DENND3: variants seen among roughly 807,000 people sequenced by gnomAD.
DENND3 encodes DENN domain containing 3, also known as DENN domain-containing protein 3.
Under a neutral mutation model 135.1 loss-of-function variants are expected in DENND3, and 88 were observed. The ratio of observed to expected loss-of-function variants is 0.65; its 90% CI spans 0.55 to 0.78. DENND3 has a LOEUF of 0.78. Ranked by LOEUF, DENND3 falls within the 30% of genes least tolerant of loss-of-function variation. DENND3 has a pLI of 0.00. For synonymous variants in DENND3, 693 were observed against 712.3 expected (o/e 0.97, Z 0.43); for missense variants, 1,392 against 1,688.4 (o/e 0.82, Z 3.08).
intron 1 of DENND3, among the ~76,000 whole-genome samples, chr8:141,134,265 T>C (rs1277257015): frequency 6.6e-6 from 1 of 152,156 alleles, no homozygotes; most frequent in African/African-American, 2.4e-5. Flanking sequence ...TATAAAATAA[T>C]ATGGATTTCC....
At chr8:141,149,672 C>A (rs767489140) in intron 5 of DENND3, among the ~76,000 whole-genome samples, 1 of 152,264 alleles carries the variant, frequency 6.6e-6, no homozygotes, top group Non-Finnish European at 1.5e-5. Context: ...CACACGGGGA[C>A]CTGTCCATAT....
chr8:141,129,285 C>G (rs1815621962), intron 1 of DENND3, among the ~76,000 whole-genome samples: 1 of 152,190 alleles, frequency 6.6e-6, no homozygotes, highest in South Asian at 2.1e-4. Context: ...ATGTGTTGTC[C>G]CCTGAGTAGT....
Position 141,130,180 on chromosome 8 carries a change from C to A in DENND3, c.102+1371C>A, listed in dbSNP as rs973390997. Among the ~76,000 whole-genome samples, 1 of 152,074 alleles carries A rather than the reference C, an allele frequency of 6.6e-6. No individual in the cohort carries two copies. Among genetic ancestry groups the A allele is most frequent in the Non-Finnish European group, 1.5e-5 (1 of 68,006 alleles). On this transcript the variant is annotated intron_variant, in intron 1 of 22. Transcript: ENST00000519811. This position sits in a 1 kb window ranked among gnomAD's most constrained non-coding sequence, Gnocchi z 4.2. The stretch of plus-strand genomic sequence containing the variant: ...TGACACATGTCTTTTGAGGGCAGGG[C>A]GAATCAACTGGAATATTTGCAGTGG...
At chr8:141,187,322 G>A (rs934817058) in intron 18 of DENND3, among the ~76,000 whole-genome samples, 10 of 150,782 alleles carry the variant, frequency 6.6e-5, no homozygotes, top group African/African-American at 2.4e-4. Flanking sequence ...TGGCACAATC[G>A]CTGCTTACTG....
chr8:141,148,064 G>T (rs948309477), intron 5 of DENND3, among the ~76,000 whole-genome samples: 1 of 152,238 alleles, frequency 6.6e-6, no homozygotes, highest in South Asian at 2.1e-4. Flanking sequence ...CAAGAGGTCA[G>T]TGTAGGCCAA....
rs1356909857 is a variant in DENND3, at chr8:141,182,467, A to T, written c.2944+1613A>T. On this transcript the variant is annotated intron_variant, in intron 17 of 22. Transcript: ENST00000519811. The surrounding 1 kb of genome is among the most constrained non-coding windows in gnomAD (Gnocchi z 5.9). Reference sequence around the variant, plus strand: ...TGACTCCACAGACCAAGATACTTTGACCGTGGCATTTGAATACATGGTATT... The same window carrying T: ...TGACTCCACAGACCAAGATACTTTGTCCGTGGCATTTGAATACATGGTATT... 2.0e-6 allele frequency: 2 copies of T among 985,284 alleles called. No individual in the cohort carries two copies. The highest frequency in any genetic ancestry group is 3.5e-5 in the African/African-American group (2 of 57,224). The allele number at this position is 985,284 out of a possible 1,614,324, so 61.0% of individuals were successfully genotyped here.
chr8:141,176,567 A>C lies in DENND3; in HGVS notation c.2536-24A>C, dbSNP rs199599332. Reference sequence around the variant, plus strand: ...CGTGTTCTCTGAGTGTGACATTCCTAACTTTTCTTTTCTGCCTCTGCAGGA... The same window carrying C: ...CGTGTTCTCTGAGTGTGACATTCCTCACTTTTCTTTTCTGCCTCTGCAGGA... On this transcript the variant is annotated intron_variant, in intron 14 of 22. Transcript: ENST00000519811. The C allele has an allele frequency of 1.1e-4, 183 of 1,614,002 alleles. 4 individuals are homozygous for C. In the South Asian group the frequency reaches 1.8e-3, roughly 16 times the overall value.
At position 141,128,784 on chromosome 8, in the gene DENND3, G is replaced by A; in HGVS notation, c.77G>A (p.Arg26Gln). 1.4e-6 allele frequency: 2 copies of A among 1,460,988 alleles called. No individual in the cohort carries two copies. The highest frequency in any genetic ancestry group is 1.8e-4 in the Middle Eastern group (1 of 5,478). The allele number at this position is 1,460,988 out of a possible 1,614,324, so 90.5% of individuals were successfully genotyped here. A position where few individuals can be genotyped will look rare whatever the true frequency, so the allele number is the denominator to read the frequency against. Residue 26 changes from arginine (R) to glutamine (Q), a missense_variant, in exon 1 of 23, where the codon CGG becomes CAG. By Grantham distance (43) the Arg-to-Gln change is conservative. Transcript: ENST00000519811. This position sits in a 1 kb window ranked among gnomAD's most constrained non-coding sequence, Gnocchi z 4.5. ...CTCTGCGCGCTGCTGGGCGCCCCCC[G>A]GGACAGTCTCCGAAGTCTCGAGCAG... is the stretch of plus-strand genomic sequence containing the variant. The part of the protein sequence containing the change: ...LELCALLGAP[R>Q]DSLRSLEQVA...
rs1817144058 is a variant in DENND3 at position 141,139,085 on chromosome 8, G to A, written c.501+948G>A. On this transcript the variant is annotated intron_variant, in intron 3 of 22. Coordinates refer to ENST00000519811, the MANE Select transcript of DENND3 (RefSeq NM_001352890.3). The surrounding 1 kb of genome is among the most constrained non-coding windows in gnomAD (Gnocchi z 4.2). The stretch of plus-strand genomic sequence containing the variant: ...ATCCAAAGGTGCAGGGTGACCTGCT[G>A]CACACGTCCAGAGGGTTTCCCGAAG... Among the ~76,000 whole-genome samples the A allele has an allele frequency of 1.3e-5, 2 of 152,174 alleles. No individual in the cohort carries two copies. Among genetic ancestry groups the A allele is most frequent in the Admixed American group, 6.6e-5 (1 of 15,246 alleles).
Position 141,144,086 on chromosome 8 carries a change from A to G in DENND3, c.624-62A>G. ...AGATTCCAGTGTGATTAGAAACGCT[A>G]ACGATGACAACTGCGTTCTCATCTT... On this transcript the variant is annotated intron_variant, in intron 4 of 22. Transcript: ENST00000519811. This position sits in a 1 kb window ranked among gnomAD's most constrained non-coding sequence, Gnocchi z 4.4. The G allele has an allele frequency of 7.1e-7, 1 of 1,412,508 alleles. No individual in the cohort carries two copies. The highest frequency in any genetic ancestry group is 1.9e-5 in the Admixed American group (1 of 52,998). 87.5% of individuals were successfully genotyped at this position (1,412,508 alleles called of 1,614,324 possible). A position where few individuals can be genotyped will look rare whatever the true frequency, so the allele number is the denominator to read the frequency against.
chr8:141,164,822 G>T (rs904689626), intron 10 of DENND3, among the ~76,000 whole-genome samples: 2 of 152,222 alleles, frequency 1.3e-5, no homozygotes, highest in Admixed American at 6.5e-5. Context: ...CTCTCGTCCA[G>T]CATCTGAAAA....
At chr8:141,189,713 G>C (rs1824433301) in intron 19 of DENND3, among the ~76,000 whole-genome samples, 1 of 152,216 alleles carries the variant, frequency 6.6e-6, no homozygotes, top group Non-Finnish European at 1.5e-5. Context: ...CCCTGACTTA[G>C]TGTCGGGGGC....
At position 141,160,431 on chromosome 8, in the gene DENND3, C is replaced by T. The variant is rs139467127; in HGVS notation, c.1197-201C>T. 7.3e-3 allele frequency among the ~76,000 whole-genome samples: 1,118 copies of T among 152,272 alleles called. 15 individuals carry two copies. Among genetic ancestry groups the T allele is most frequent in the African/African-American group, 0.025 (1,055 of 41,544 alleles). ...CTGACCTCAGGTGATCCACCCACCT[C>T]GGCCTCCCAAAGTGCTGGGATTACA... On this transcript the variant is annotated intron_variant, in intron 8 of 22. Coordinates refer to ENST00000519811, the MANE Select transcript of DENND3 (RefSeq NM_001352890.3).
chr8:141,144,210 C>T lies in DENND3; in HGVS notation c.686C>T (p.Ala229Val). The part of the protein sequence containing the change: ...FEVDSHIKDF[A>V]AKLSLIPSPP... ...GTGGACAGTCATATAAAAGATTTCGCTGCGAAGCTGTCTTTAATACCCAGC... is the reference window on the plus strand; with the variant it reads ...GTGGACAGTCATATAAAAGATTTCGTTGCGAAGCTGTCTTTAATACCCAGC... Residue 229 changes from alanine (A) to valine (V), a missense_variant, in exon 5 of 23, where the codon GCT becomes GTT. Physicochemically the swap from Ala to Val is moderately conservative, Grantham distance 64. Transcript: ENST00000519811. This position sits in a 1 kb window ranked among gnomAD's most constrained non-coding sequence, Gnocchi z 4.4. The T allele has an allele frequency of 2.5e-6, 4 of 1,613,980 alleles. No homozygotes were observed. The highest frequency in any genetic ancestry group is 3.4e-6 in the Non-Finnish European group (4 of 1,179,964).
intron 20 of DENND3, chr8:141,191,374 T>G (rs1824730998): frequency 6.6e-6 from 1 of 152,280 alleles, no homozygotes; most frequent in African/African-American, 2.4e-5. Flanking sequence ...AGCTCGTTCC[T>G]TCTTGCAGGG....
chr8:141,158,287 G>A, intron 8 of DENND3: 2 of 1,286,164 alleles, frequency 1.6e-6, no homozygotes, highest in Non-Finnish European at 2.0e-6. Context: ...GTTACTTTCT[G>A]GTAAGCCACA....
chr8:141,192,815 G>A (rs775095831), intron 22 of DENND3, 152 bp downstream of exon 22: 225 of 1,562,070 alleles, frequency 1.4e-4, no homozygotes, highest in South Asian at 1.3e-3. Flanking sequence ...TGCAGGGTTG[G>A]TGCCAACGGG....
rs139106633 is a variant in DENND3 at position 141,189,323 on chromosome 8, C to T, written c.3245+177C>T. Among the ~76,000 whole-genome samples the T allele has an allele frequency of 2.0e-3, 300 of 152,346 alleles. 2 individuals carry two copies. The highest frequency in any genetic ancestry group is 8.5e-3 in the South Asian group (41 of 4,830). ...CTCGGTCTGCTTCTGCTCACGGGTG[C>T]GGAGAACCCATGACACCAGTGTGGG... On this transcript the variant is annotated intron_variant, in intron 19 of 22. Transcript: ENST00000519811.
rs1173812325 is a variant in DENND3, at chr8:141,130,295, C to A, written c.102+1486C>A. Among the ~76,000 whole-genome samples, 1 of 152,052 alleles carries A rather than the reference C, an allele frequency of 6.6e-6. No homozygotes were observed. The highest frequency in any genetic ancestry group is 2.4e-5 in the African/African-American group (1 of 41,388). On this transcript the variant is annotated intron_variant, in intron 1 of 22. Coordinates refer to ENST00000519811, the MANE Select transcript of DENND3 (RefSeq NM_001352890.3). The surrounding 1 kb of genome is among the most constrained non-coding windows in gnomAD (Gnocchi z 4.2). ...GTGTTGCCCAGACTCATCTCCAATTCCTGAGCTCAAGTGATCCTCCCGCCT... is the reference window on the plus strand; with the variant it reads ...GTGTTGCCCAGACTCATCTCCAATTACTGAGCTCAAGTGATCCTCCCGCCT...
Sources: allele counts gnomAD v4.1 joint callset (sites outside exome capture counted in the v4.1 genomes callset), GRCh38; gene constraint gnomAD v4.1.1; non-coding constraint Gnocchi (gnomAD v3.1); transcripts MANE v1.5; gene names NCBI Gene and HGNC (gene_info 2026-07-23, HGNC 2026-07-21).